Variants in ZNF512 observed in about 807,000 individuals in gnomAD.
ZNF512 encodes zinc finger protein 512.
ZNF512 carries 25 observed loss-of-function variants against 77.5 expected under a neutral mutation model. The ratio of observed to expected loss-of-function variants is 0.32; its 90% CI spans 0.23 to 0.45. The LOEUF (loss-of-function observed/expected upper bound fraction) is 0.45. Ranked by LOEUF, ZNF512 falls within the 20% of genes least tolerant of loss-of-function variation. ZNF512 has a pLI of 1.00. For missense variants in ZNF512, 483 were observed against 692.6 expected (o/e 0.70, Z 3.40); for synonymous variants, 246 against 239.9 (o/e 1.03, Z -0.24).
chr2:27,609,069 A>G (rs1196703424), intron 10 of ZNF512, among the ~76,000 whole-genome samples: 1 of 151,138 alleles, frequency 6.6e-6, no homozygotes, highest in Non-Finnish European at 1.5e-5. Context: ...AGATTGGACC[A>G]CTGCACTCCA....
intron 9 of ZNF512, among the ~76,000 whole-genome samples, chr2:27,605,469 A>G (rs548920723): frequency 2.6e-5 from 4 of 151,798 alleles, no homozygotes; most frequent in Non-Finnish European, 5.9e-5. Flanking sequence ...CAAAAAATGA[A>G]AAGATTGTTG....
At position 27,618,991 on chromosome 2, in the gene ZNF512, G is replaced by T. The variant is rs1253685091; in HGVS notation, c.1395+1420G>T. On this transcript the variant is annotated intron_variant, in intron 13 of 13. Coordinates refer to ENST00000355467, the MANE Select transcript of ZNF512 (RefSeq NM_032434.4). ...AGCTTTAATTACTTCCATAAAATTT[G>T]GTTTCTGTTGCTTTACTGGCATAAG... Among the ~76,000 whole-genome samples the T allele has an allele frequency of 2.0e-5, 3 of 152,258 alleles. No homozygotes were observed. The East Asian group carries it at 5.8e-4, about 29-fold the overall frequency.
chr2:27,605,135 C>T (rs184908530), intron 9 of ZNF512, among the ~76,000 whole-genome samples: 128 of 152,038 alleles, frequency 8.4e-4, no homozygotes, highest in African/African-American at 3.0e-3. Flanking sequence ...TTGATGATTA[C>T]GAATAAAGCT....
rs1002405681 is a variant in ZNF512 at position 27,599,962 on chromosome 2, T to TA, written c.374-7dup. The stretch of plus-strand genomic sequence containing the variant: ...CATGCTGGGCTTCAAGTTTCTGTCT[T>TA]ATGTCAGGGAGGAAGCAACGGCCTA... On this transcript the variant is annotated splice_polypyrimidine_tract_variant and splice_region_variant and intron_variant, in intron 4 of 13. Transcript: ENST00000355467. The TA allele has an allele frequency of 8.1e-6, 13 of 1,614,006 alleles. No individual in the cohort carries two copies. In the African/African-American group the frequency reaches 1.3e-4, roughly 17 times the overall value.
chr2:27,598,351 T>G (rs1450671934), intron 3 of ZNF512, 97 bp downstream of exon 3: 1 of 1,319,550 alleles, frequency 7.6e-7, no homozygotes, highest in African/African-American at 1.4e-5. Flanking sequence ...AAATGGCGGC[T>G]GAGCGTGGTG....
intron 5 of ZNF512, among the ~76,000 whole-genome samples, chr2:27,600,470 A>T (rs1189559095): frequency 6.6e-6 from 1 of 152,170 alleles, no homozygotes; most frequent in African/African-American, 2.4e-5. Context: ...AGCCGTTCTC[A>T]GGTGGTTTTT....
Position 27,583,052 on chromosome 2 carries a change from G to T in ZNF512, c.-61G>T, listed in dbSNP as rs1244820988. On this transcript the variant is annotated 5_prime_UTR_variant, in exon 1 of 14. Coordinates refer to ENST00000355467, the MANE Select transcript of ZNF512 (RefSeq NM_032434.4). ...GAGCCCACATCCGGGAGAGGAGAGC[G>T]GAAGTGGCGTTGGTCTGGCCGGAGC... The T allele has an allele frequency of 6.2e-7, 1 of 1,601,628 alleles. No individual in the cohort carries two copies. The highest frequency in any genetic ancestry group is 1.3e-5 in the African/African-American group (1 of 74,698).
intron 2 of ZNF512, among the ~76,000 whole-genome samples, chr2:27,591,750 C>G (rs1235088024): frequency 6.6e-6 from 1 of 152,222 alleles, no homozygotes; most frequent in Non-Finnish European, 1.5e-5. Flanking sequence ...GCTATGTTGC[C>G]CAGGCTGGTC....
Position 27,600,092 on chromosome 2 carries a change from C to G in ZNF512, c.457+39C>G, listed in dbSNP as rs371787020. 8.8e-6 allele frequency: 14 copies of G among 1,596,246 alleles called. No individual in the cohort carries two copies. In the African/African-American group the frequency reaches 1.5e-4, roughly 17 times the overall value. On this transcript the variant is annotated intron_variant, in intron 5 of 13. Coordinates refer to ENST00000355467, the MANE Select transcript of ZNF512 (RefSeq NM_032434.4). Reference sequence around the variant, plus strand: ...TGGAAGTTTTGAGGGATGTAGTTCTCACACTCTGATTTGTTGTTGGTGTTG... The same window carrying G: ...TGGAAGTTTTGAGGGATGTAGTTCTGACACTCTGATTTGTTGTTGGTGTTG...
Position 27,621,637 on chromosome 2 carries a change from C to T in ZNF512, c.*176C>T, listed in dbSNP as rs1265967077. 1.5e-5 allele frequency: 10 copies of T among 668,518 alleles called. No homozygotes were observed. The highest frequency in any genetic ancestry group is 2.4e-5 in the Non-Finnish European group (10 of 414,350). The allele number at this position is 668,518 out of a possible 1,614,324, so 41.4% of individuals were successfully genotyped here. On this transcript the variant is annotated 3_prime_UTR_variant, in exon 14 of 14. Coordinates refer to ENST00000355467, the MANE Select transcript of ZNF512 (RefSeq NM_032434.4). ...TCCCTTCTTACATTTTGATTCCCCC[C>T]TCCCCTTTTAGTAGGTTTTCCTGCT... is the stretch of plus-strand genomic sequence containing the variant.
intron 7 of ZNF512, among the ~76,000 whole-genome samples, chr2:27,601,774 G>A (rs527612993): frequency 6.6e-6 from 1 of 152,238 alleles, no homozygotes; most frequent in East Asian, 1.9e-4. Context: ...TCAGCCTCCC[G>A]AGTAGGTGGG....
chr2:27,601,784 G>A (rs1183362173), intron 7 of ZNF512, among the ~76,000 whole-genome samples: 1 of 152,204 alleles, frequency 6.6e-6, no homozygotes, highest in African/African-American at 2.4e-5. Context: ...GAGTAGGTGG[G>A]ATTACAGGCA....
intron 10 of ZNF512, among the ~76,000 whole-genome samples, chr2:27,613,057 C>T (rs1272228649): frequency 6.6e-6 from 1 of 152,204 alleles, no homozygotes; most frequent in Non-Finnish European, 1.5e-5. Flanking sequence ...TTCCCACTTA[C>T]CTCCAAAGAT....
chr2:27,614,677 CAAA>C (rs34716327), intron 10 of ZNF512, among the ~76,000 whole-genome samples: 2 of 100,478 alleles, frequency 2.0e-5, no homozygotes, highest in Non-Finnish European at 2.0e-5. Context: ...GACTCCATCT[CAAA>C]AAAAAAAAAA....
intron 9 of ZNF512, among the ~76,000 whole-genome samples, chr2:27,607,500 T>G (rs894145220): frequency 1.3e-5 from 2 of 152,114 alleles, no homozygotes; most frequent in East Asian, 1.9e-4. Context: ...CCCGAGTAGC[T>G]GGGACTACAG....
At chr2:27,601,855 G>A (rs1672128065) in intron 7 of ZNF512, among the ~76,000 whole-genome samples, 1 of 152,206 alleles carries the variant, frequency 6.6e-6, no homozygotes, top group East Asian at 1.9e-4. Context: ...CTCCATGTTG[G>A]TCAGGCTGGT....
rs763478989 is a variant in ZNF512, at chr2:27,598,144, C to T, written c.167C>T (p.Ser56Leu). ...CATGATGACTCCTTAAGTGGTTCAT[C>T]GTCTGCATCTTCGTGTGAACCAGTG... is the stretch of plus-strand genomic sequence containing the variant. ...IPHDDSLSGSSSASSCEPVSD... is the reference protein window; with the variant it reads ...IPHDDSLSGSLSASSCEPVSD... Residue 56 changes from serine (S) to leucine (L), a missense_variant, in exon 3 of 14, where the codon TCG becomes TTG. Around this residue, in one of 2 missense-constraint regions of ZNF512, gnomAD observed 159 missense variants for 167.5 expected, o/e 0.95. Transcript: ENST00000355467. The T allele has an allele frequency of 1.7e-5, 27 of 1,614,120 alleles. No individual in the cohort carries two copies. The South Asian group carries it at 2.6e-4, about 16-fold the overall frequency.
chr2:27,615,157 T>C lies in ZNF512; in HGVS notation c.1132-11T>C. On this transcript the variant is annotated splice_polypyrimidine_tract_variant and intron_variant, in intron 10 of 13. Coordinates refer to ENST00000355467, the MANE Select transcript of ZNF512 (RefSeq NM_032434.4). ...TATTTATCTAATGTTTCTGGTTGTC[T>C]TGTCTTGTAGTTAAAATATACTCGT... 1 of 1,533,008 alleles carries C rather than the reference T, an allele frequency of 6.5e-7. No homozygotes were observed. The highest frequency in any genetic ancestry group is 8.9e-7 in the Non-Finnish European group (1 of 1,118,754). The allele number at this position is 1,533,008 out of a possible 1,614,324, so 95.0% of individuals were successfully genotyped here.
chr2:27,583,535 TTC>T (rs1387850982), intron 1 of ZNF512, 121 bp from the exon 2 acceptor site: 1 of 1,522,470 alleles, frequency 6.6e-7, no homozygotes, highest in Admixed American at 2.4e-5. Flanking sequence ...AGGTGTTGCC[TTC>T]TTGTGTTTGA....
Sources: gnomAD v4.1 joint callset for allele counts (sites outside exome capture counted in the v4.1 genomes callset) on GRCh38, gnomAD v4.1.1 for gene constraint, gnomAD v4.1.1 regional missense constraint, MANE v1.5 for transcripts, NCBI Gene and HGNC (gene_info 2026-07-23, HGNC 2026-07-21) for gene names.